Variants in PBX1 observed in about 807,000 individuals in gnomAD.
PBX1 encodes PBX homeobox 1, also known as pre-B-cell leukemia transcription factor 1.
A neutral mutation model predicts 53.4 loss-of-function variants in PBX1; 6 were observed. That is an observed-to-expected ratio of 0.11 (90% confidence interval 0.06 to 0.22). PBX1 has a LOEUF of 0.22. Ranked by LOEUF, PBX1 falls within the 10% of genes least tolerant of loss-of-function variation. The probability of loss-of-function intolerance (pLI) is 1.00; values close to 1 mark genes in which losing one functional copy is unlikely to be tolerated. For synonymous variants in PBX1, 204 were observed against 212.3 expected (o/e 0.96, Z 0.34); for missense variants, 251 against 551.4 (o/e 0.46, Z 5.46).
chr1:164,750,145 G>GGTGT (rs10665357), intron 2 of PBX1, among the ~76,000 whole-genome samples: 8,286 of 140,758 alleles, frequency 0.059, 294 homozygotes, highest in East Asian at 0.17. Context: ...GGGGCTAGTT[G>GGTGT]GTGTGTGTGT....
At chr1:164,708,515 AC>A (rs1336389523) in intron 2 of PBX1, among the ~76,000 whole-genome samples, 1 of 152,100 alleles carries the variant, frequency 6.6e-6, no homozygotes, top group African/African-American at 2.4e-5. Context: ...TGAACACAGC[AC>A]TCAAGAGAGT....
Position 164,811,975 on chromosome 1 carries a change from C to G in PBX1, c.838-15C>G, listed in dbSNP as rs368429962. 14 of 1,602,838 alleles carry G rather than the reference C, an allele frequency of 8.7e-6. No homozygotes were observed. In the East Asian group the frequency reaches 1.3e-4, roughly 15 times the overall value. ...TGAAATGTGAACTTTCTCATCTTCT[C>G]TTAAACTACTCTAGGTATCAAACTG... On this transcript the variant is annotated splice_polypyrimidine_tract_variant and intron_variant, in intron 5 of 8. Coordinates refer to ENST00000420696, the MANE Select transcript of PBX1 (RefSeq NM_002585.4).
chr1:164,621,170 G>A lies in PBX1; in HGVS notation c.265+57859G>A, dbSNP rs373234216. ...TGCCCAGCTAATTTTTGTATTTTTA[G>A]TAGAGACGGGGTTTCGCTATGTTGG... On this transcript the variant is annotated intron_variant, in intron 2 of 8. Transcript: ENST00000420696. Among the ~76,000 whole-genome samples, 174 of 151,834 alleles carry A rather than the reference G, an allele frequency of 1.1e-3. 1 individual carries two copies. In the South Asian group the frequency reaches 0.035, roughly 31 times the overall value.
At chr1:164,715,356 T>A (rs187523232) in intron 2 of PBX1, among the ~76,000 whole-genome samples, 57 of 152,340 alleles carry the variant, frequency 3.7e-4, no homozygotes, top group African/African-American at 1.3e-3. Context: ...TGGAGTTTTG[T>A]TATTGTCATT....
intron 2 of PBX1, among the ~76,000 whole-genome samples, chr1:164,664,911 C>G (rs56128724): frequency 0.81 from 122,676 of 151,548 alleles, 50,895 homozygotes; most frequent in Non-Finnish European, 0.91. Context: ...GTCCCTCCCA[C>G]AATACATGGG....
chr1:164,762,367 C>T (rs568648741), intron 2 of PBX1, among the ~76,000 whole-genome samples: 4 of 152,308 alleles, frequency 2.6e-5, no homozygotes, highest in South Asian at 4.1e-4. Context: ...CAGTCCTCAG[C>T]CCAGCATCTC....
chr1:164,600,901 G>T (rs1656123227), intron 2 of PBX1, among the ~76,000 whole-genome samples: 1 of 152,100 alleles, frequency 6.6e-6, no homozygotes, highest in African/African-American at 2.4e-5. Context: ...CTGAGGAATG[G>T]CTTGCATTTT....
intron 2 of PBX1, among the ~76,000 whole-genome samples, chr1:164,628,724 C>T (rs914486600): frequency 2.0e-5 from 3 of 151,834 alleles, no homozygotes; most frequent in Admixed American, 6.6e-5. Context: ...GTATCTCTCT[C>T]TTTCTCTCTC....
At chr1:164,865,609 C>T (rs765970575) in intron 2 of PBX1, among the ~76,000 whole-genome samples, 37 of 152,250 alleles carry the variant, frequency 2.4e-4, no homozygotes, top group Middle Eastern at 3.4e-3. Context: ...TCATTACAAA[C>T]GAAGAAACTG....
At chr1:164,618,145 T>C (rs1053619265) in intron 2 of PBX1, among the ~76,000 whole-genome samples, 4 of 152,224 alleles carry the variant, frequency 2.6e-5, no homozygotes, top group Admixed American at 1.3e-4. Flanking sequence ...TCTTGAATTA[T>C]AAGGTGGCAT....
chr1:164,738,007 T>A (rs1484230315), intron 2 of PBX1, among the ~76,000 whole-genome samples: 1 of 152,092 alleles, frequency 6.6e-6, no homozygotes, highest in Non-Finnish European at 1.5e-5. Flanking sequence ...GTGTCATGCT[T>A]CATATATATA....
intron 2 of PBX1, among the ~76,000 whole-genome samples, chr1:164,630,020 A>T (rs1658309368): frequency 6.6e-6 from 1 of 152,228 alleles, no homozygotes; most frequent in Non-Finnish European, 1.5e-5. Flanking sequence ...GCTATCAATA[A>T]AAGCATTTTT....
chr1:164,672,857 A>G (rs923893249), intron 2 of PBX1, among the ~76,000 whole-genome samples: 1 of 152,132 alleles, frequency 6.6e-6, no homozygotes, highest in Non-Finnish European at 1.5e-5. Flanking sequence ...TGTTCTTTCA[A>G]AATTCATCTG....
intron 3 of PBX1, among the ~76,000 whole-genome samples, chr1:164,794,963 T>G (rs1178727604): frequency 6.6e-6 from 1 of 152,224 alleles, no homozygotes; most frequent in Admixed American, 6.5e-5. Flanking sequence ...AATATGGAAC[T>G]GCTTCCTTGA....
chr1:164,701,164 T>C (rs1230805259), intron 2 of PBX1, among the ~76,000 whole-genome samples: 1 of 152,144 alleles, frequency 6.6e-6, no homozygotes, highest in Non-Finnish European at 1.5e-5. Flanking sequence ...CTAGGATACA[T>C]AGAGTGGTAA....
intron 2 of PBX1, among the ~76,000 whole-genome samples, chr1:164,658,358 T>C (rs542159000): frequency 1.3e-5 from 2 of 152,324 alleles, no homozygotes; most frequent in African/African-American, 4.8e-5. Flanking sequence ...TGAAAACTGC[T>C]TTTTATCTGC....
intron 2 of PBX1, among the ~76,000 whole-genome samples, chr1:164,695,717 G>A (rs1247356895): frequency 6.6e-6 from 1 of 152,192 alleles, no homozygotes; most frequent in Admixed American, 6.5e-5. Context: ...CATATGGTAG[G>A]TGCTCTGTAA....
chr1:164,788,406 G>A (rs916195332), intron 2 of PBX1, among the ~76,000 whole-genome samples: 48 of 141,994 alleles, frequency 3.4e-4, no homozygotes, highest in African/African-American at 1.1e-3. Context: ...TTTTTTAACC[G>A]CCGAGCTGAA....
chr1:164,807,429 A>T, intron 4 of PBX1, 113 bp from the exon 5 acceptor site: 1 of 1,358,422 alleles, frequency 7.4e-7, no homozygotes, highest in East Asian at 2.3e-5. Context: ...ATCTGCTCCA[A>T]ATTCACCTTT....
Sources: gnomAD v4.1 joint callset for allele counts (sites outside exome capture counted in the v4.1 genomes callset) on GRCh38, gnomAD v4.1.1 for gene constraint, MANE v1.5 for transcripts, NCBI Gene and HGNC (gene_info 2026-07-23, HGNC 2026-07-21) for gene names.